Variants in TSC22D1 observed in about 807,000 individuals in gnomAD.
TSC22D1 encodes TSC22 domain family member 1.
TSC22D1 carries 9 observed loss-of-function variants against 74.2 expected under a neutral mutation model. The ratio of observed to expected loss-of-function variants is 0.12; its 90% CI spans 0.07 to 0.21. The LOEUF (loss-of-function observed/expected upper bound fraction) is 0.21. Among genes scored for constraint, TSC22D1 ranks in the 10% least tolerant of loss-of-function variants. The probability of loss-of-function intolerance (pLI) is 1.00; values close to 1 mark genes in which losing one functional copy is unlikely to be tolerated. For synonymous variants in TSC22D1, 586 were observed against 492.5 expected, an observed-to-expected ratio of 1.19 and a Z score of -2.51; for missense variants, 1,427 against 1,304.7, an observed-to-expected ratio of 1.09 and a Z score of -1.44.
chr13:44,519,310 A>T (rs1458067799), intron 1 of TSC22D1, among the ~76,000 whole-genome samples: 1 of 152,158 alleles, frequency 6.6e-6, no homozygotes, highest in African/African-American at 2.4e-5. Flanking sequence ...AATTCAATGT[A>T]TGAAGGGTAT....
chr13:44,561,235 A>G (rs577607808), intron 1 of TSC22D1, among the ~76,000 whole-genome samples: 1 of 152,264 alleles, frequency 6.6e-6, no homozygotes, highest in South Asian at 2.1e-4. Flanking sequence ...ACTGATTCAA[A>G]CCATTATCTC....
chr13:44,536,798 G>A, intron 1 of TSC22D1: 14 of 984,178 alleles, frequency 1.4e-5, no homozygotes, highest in Non-Finnish European at 1.7e-5. Context: ...TCCAATTCTG[G>A]AAACTAATCA....
intron 1 of TSC22D1, among the ~76,000 whole-genome samples, chr13:44,550,875 G>A (rs1030733161): frequency 1.6e-4 from 24 of 151,936 alleles, no homozygotes; most frequent in Non-Finnish European, 3.1e-4. Flanking sequence ...CCTGGAGGTT[G>A]AGGCTGCAAT....
At chr13:44,444,483 T>C (rs533921579) in intron 1 of TSC22D1, among the ~76,000 whole-genome samples, 1 of 151,832 alleles carries the variant, frequency 6.6e-6, no homozygotes, top group African/African-American at 2.4e-5. Context: ...AATAAGAATA[T>C]GGAAGAAGAT....
intron 1 of TSC22D1, among the ~76,000 whole-genome samples, chr13:44,491,694 G>T (rs1180057179): frequency 6.6e-6 from 1 of 152,080 alleles, no homozygotes; most frequent in Non-Finnish European, 1.5e-5. Context: ...CAGTTTAACA[G>T]ATATAAATAA....
rs10627677 is a variant in TSC22D1, at chr13:44,517,857, A to ATATATATT, written c.2912+55305_2912+55306insAATATATA. ...TATATATATATATATATATATATAT[A>ATATATATT]TTTTTTTTTTTTTTTTTTTTTTAAC... On this transcript the variant is annotated intron_variant, in intron 1 of 2. Coordinates refer to ENST00000458659, the MANE Select transcript of TSC22D1 (RefSeq NM_183422.4). Among the ~76,000 whole-genome samples, 40 of 16,160 alleles carry ATATATATT rather than the reference A, an allele frequency of 2.5e-3. 1 individual carries two copies. The highest frequency in any genetic ancestry group is 4.3e-3 in the Non-Finnish European group (31 of 7,180). 10.6% of individuals were successfully genotyped at this position (16,160 alleles called of 152,430 possible). A position where few individuals can be genotyped will look rare whatever the true frequency, so the allele number is the denominator to read the frequency against.
At chr13:44,525,737 T>C (rs918513620) in intron 1 of TSC22D1, among the ~76,000 whole-genome samples, 3 of 149,024 alleles carry the variant, frequency 2.0e-5, no homozygotes, top group East Asian at 4.0e-4. Context: ...TGAAACTTCA[T>C]ACTCAAGTCC....
intron 1 of TSC22D1, among the ~76,000 whole-genome samples, chr13:44,483,417 G>A (rs531228274): frequency 6.6e-6 from 1 of 152,134 alleles, no homozygotes; most frequent in African/African-American, 2.4e-5. Flanking sequence ...ATCCCAGCAT[G>A]TTGGGAGGCC....
intron 1 of TSC22D1, among the ~76,000 whole-genome samples, chr13:44,489,206 C>CAAAAAAAAAAAAA (rs34867283): frequency 1.5e-5 from 2 of 134,690 alleles, no homozygotes; most frequent in African/African-American, 2.9e-5. Context: ...TCATTTCATG[C>CAAAAAAAAAAAAA]AAAAAAAAAA....
chr13:44,496,852 A>G (rs1879002744), intron 1 of TSC22D1, among the ~76,000 whole-genome samples: 1 of 152,120 alleles, frequency 6.6e-6, no homozygotes, highest in Non-Finnish European at 1.5e-5. Context: ...GTCTCAAAAA[A>G]CAAAGCCACA....
At chr13:44,562,143 G>A (rs1883083825) in intron 1 of TSC22D1, among the ~76,000 whole-genome samples, 1 of 152,006 alleles carries the variant, frequency 6.6e-6, no homozygotes, top group African/African-American at 2.4e-5. Context: ...AGGCTCAATC[G>A]ATCCTCCCAC....
intron 1 of TSC22D1, among the ~76,000 whole-genome samples, chr13:44,503,888 AT>A (rs898141332): frequency 8.5e-5 from 13 of 152,184 alleles, no homozygotes; most frequent in African/African-American, 3.1e-4. Context: ...ATACTTTAAT[AT>A]TAAAAAATAT....
intron 1 of TSC22D1, among the ~76,000 whole-genome samples, chr13:44,529,248 A>G (rs558029969): frequency 2.0e-5 from 3 of 152,118 alleles, no homozygotes; most frequent in Non-Finnish European, 2.9e-5. Context: ...AGATTTTTCC[A>G]TATATACGAG....
In TSC22D1 at chr13:44,573,852, T is replaced by G. The variant is rs756038379; in HGVS notation, c.2223A>C (p.Ala741=). Reference sequence around the variant, plus strand: ...GAACCTGGGTAGAGGGCTGCTGCACTGCAGTAGGTATGTTTGCTTGCTGAC... The same window carrying G: ...GAACCTGGGTAGAGGGCTGCTGCACGGCAGTAGGTATGTTTGCTTGCTGAC... ...NIGQQANIPT[A]VQQPSTQVPP... Residue 741 remains alanine, a synonymous_variant, in exon 1 of 3, where the codon GCA becomes GCC. Transcript: ENST00000458659. The G allele has an allele frequency of 6.2e-7, 1 of 1,614,228 alleles. No individual in the cohort carries two copies. The highest frequency in any genetic ancestry group is 1.3e-5 in the African/African-American group (1 of 75,072).
At chr13:44,456,159 A>T (rs1051083249) in intron 1 of TSC22D1, among the ~76,000 whole-genome samples, 4 of 152,226 alleles carry the variant, frequency 2.6e-5, no homozygotes, top group Non-Finnish European at 5.9e-5. Flanking sequence ...AGCTCAGCTC[A>T]TAAAGGTAGT....
chr13:44,469,035 T>A (rs1877451027), intron 1 of TSC22D1, among the ~76,000 whole-genome samples: 1 of 152,192 alleles, frequency 6.6e-6, no homozygotes, highest in Non-Finnish European at 1.5e-5. Context: ...CCATATCATC[T>A]CAACTGGTCC....
intron 1 of TSC22D1, chr13:44,436,862 G>A (rs1016049897): frequency 2.4e-6 from 3 of 1,253,878 alleles, no homozygotes; most frequent in African/African-American, 3.1e-5. Flanking sequence ...TCTAGACCAG[G>A]ACTCCCAGTC....
chr13:44,462,199 C>G (rs1453115453), intron 1 of TSC22D1, among the ~76,000 whole-genome samples: 1 of 152,084 alleles, frequency 6.6e-6, no homozygotes, highest in African/African-American at 2.4e-5. Flanking sequence ...TCTGCGATTA[C>G]CCCCACAAAT....
Position 44,534,524 on chromosome 13 carries a change from T to C in TSC22D1, c.2912+38639A>G, listed in dbSNP as rs568354097. On this transcript the variant is annotated intron_variant, in intron 1 of 2. Transcript: ENST00000458659. Reference sequence around the variant, plus strand: ...GGAAAAGTCCTAATCTATTTTCCTATCTTGTCCATATTCAATATTGCATTT... The same window carrying C: ...GGAAAAGTCCTAATCTATTTTCCTACCTTGTCCATATTCAATATTGCATTT... Among the ~76,000 whole-genome samples the C allele has an allele frequency of 2.6e-5, 4 of 152,282 alleles. No individual in the cohort carries two copies. In the East Asian group the frequency reaches 7.7e-4, roughly 29 times the overall value.
Sources: allele counts gnomAD v4.1 joint callset (sites outside exome capture counted in the v4.1 genomes callset), GRCh38; gene constraint gnomAD v4.1.1; transcripts MANE v1.5; gene names NCBI Gene and HGNC (gene_info 2026-07-23, HGNC 2026-07-21).